Variants in FKTN observed in about 807,000 individuals in gnomAD.
FKTN encodes ribitol-5-phosphate transferase FKTN.
A neutral mutation model predicts 58.6 loss-of-function variants in FKTN; 47 were observed. The observed-to-expected ratio is 0.80, with a 90% confidence interval of 0.63 to 1.02. FKTN has a LOEUF of 1.02. FKTN is among the 50% of genes least tolerant of loss of function. The pLI is 0.00. For missense variants in FKTN, 516 were observed against 537.3 expected, an observed-to-expected ratio of 0.96 and a Z score of 0.39; for synonymous variants, 178 against 191.9, an observed-to-expected ratio of 0.93 and a Z score of 0.60.
At chr9:105,581,258 T>A (rs1037983063) in intron 3 of FKTN, among the ~76,000 whole-genome samples, 1 of 148,670 alleles carries the variant, frequency 6.7e-6, no homozygotes, top group Non-Finnish European at 1.5e-5. Flanking sequence ...TTTTAGAGTT[T>A]CCAGTTTTTC....
intron 3 of FKTN, among the ~76,000 whole-genome samples, chr9:105,594,519 A>G (rs1826389335): frequency 6.6e-6 from 1 of 152,228 alleles, no homozygotes; most frequent in Non-Finnish European, 1.5e-5. Flanking sequence ...GCACTTTGGG[A>G]GGCGGAAGCA....
intron 3 of FKTN, among the ~76,000 whole-genome samples, chr9:105,578,684 T>A (rs1268973018): frequency 6.6e-6 from 1 of 151,986 alleles, no homozygotes; most frequent in Non-Finnish European, 1.5e-5. Context: ...GCTGGCCTCA[T>A]AAAATGAGTT....
chr9:105,630,338 T>TA (rs749864634), intron 10 of FKTN, among the ~76,000 whole-genome samples: 5 of 152,196 alleles, frequency 3.3e-5, no homozygotes, highest in African/African-American at 1.2e-4. Context: ...GTGAAAATGA[T>TA]AAAATTTTCT....
At chr9:105,563,678 C>A (rs1046658347) in intron 1 of FKTN, among the ~76,000 whole-genome samples, 1 of 152,176 alleles carries the variant, frequency 6.6e-6, no homozygotes, top group African/African-American at 2.4e-5. Flanking sequence ...GTGGAGCCCA[C>A]CACAGCTCAA....
intron 10 of FKTN, among the ~76,000 whole-genome samples, chr9:105,632,419 T>TAAA (rs11399147): frequency 7.0e-6 from 1 of 142,882 alleles, no homozygotes; most frequent in Non-Finnish European, 1.5e-5. Context: ...AAAAGTATAA[T>TAAA]AAAAAAAAAT....
chr9:105,582,932 T>C (rs964814957), intron 3 of FKTN, among the ~76,000 whole-genome samples: 1 of 152,216 alleles, frequency 6.6e-6, no homozygotes, highest in Non-Finnish European at 1.5e-5. Flanking sequence ...TCCATATCTA[T>C]AAGTCTAGAG....
intron 4 of FKTN, 131 bp from the exon 5 acceptor site, chr9:105,601,014 G>A: frequency 3.2e-6 from 2 of 630,934 alleles, no homozygotes; most frequent in East Asian, 2.8e-5. Context: ...GTATTTTTTA[G>A]CACAATGATA....
intron 5 of FKTN, chr9:105,603,782 T>C (rs866343095): frequency 2.1e-5 from 5 of 239,704 alleles, no homozygotes; most frequent in Middle Eastern, 3.3e-3. Flanking sequence ...CAAGTGATCC[T>C]CCTGGCTCAG....
intron 7 of FKTN, among the ~76,000 whole-genome samples, chr9:105,613,103 T>G (rs1156369774): frequency 6.6e-6 from 1 of 152,218 alleles, no homozygotes; most frequent in Non-Finnish European, 1.5e-5. Context: ...CACAAATTTT[T>G]CATATTTGCT....
At chr9:105,621,380 C>T (rs192313924) in intron 10 of FKTN, among the ~76,000 whole-genome samples, 4 of 152,198 alleles carry the variant, frequency 2.6e-5, no homozygotes, top group Admixed American at 6.5e-5. Flanking sequence ...TTTAACACTA[C>T]TATTCCTTGG....
chr9:105,559,128 G>A (rs1027808455), intron 1 of FKTN, among the ~76,000 whole-genome samples: 5 of 152,046 alleles, frequency 3.3e-5, no homozygotes, highest in African/African-American at 1.2e-4. Flanking sequence ...AAGTGCTGTT[G>A]GCAAAAATGG....
Position 105,635,271 on chromosome 9 carries a change from A to G in FKTN, c.*7A>G, listed in dbSNP as rs1156239576. The G allele has an allele frequency of 3.1e-6, 5 of 1,613,662 alleles. No individual in the cohort carries two copies. The highest frequency in any genetic ancestry group is 4.2e-6 in the Non-Finnish European group (5 of 1,179,616). On this transcript the variant is annotated 3_prime_UTR_variant, in exon 11 of 11. Transcript: ENST00000357998. ...GGTTATCCAGTTATATTGAGATAGT[A>G]GGTTGAAATGGGAGAATTTCTCTTT... is the stretch of plus-strand genomic sequence containing the variant.
intron 7 of FKTN, among the ~76,000 whole-genome samples, chr9:105,612,781 A>C (rs1006496349): frequency 6.6e-6 from 1 of 152,146 alleles, no homozygotes; most frequent in Non-Finnish European, 1.5e-5. Context: ...CCTGGGCAAC[A>C]TGGCGAAACC....
intron 3 of FKTN, 102 bp from the exon 4 acceptor site, chr9:105,596,496 T>A: frequency 1.3e-6 from 1 of 757,420 alleles, no homozygotes; most frequent in Non-Finnish European, 2.4e-6. Context: ...TGCTTTTTAA[T>A]GATTATAAGC....
intron 1 of FKTN, among the ~76,000 whole-genome samples, chr9:105,569,610 C>G (rs1458439981): frequency 6.6e-6 from 1 of 152,196 alleles, no homozygotes; most frequent in East Asian, 1.9e-4. Flanking sequence ...GTAAGCAGAT[C>G]TGCCCATTTC....
rs1415364633 is a variant in FKTN at position 105,638,211 on chromosome 9, C to G, written c.*2947C>G. 1.0e-6 allele frequency: 1 copy of G among 985,290 alleles called. No individual in the cohort carries two copies. The highest frequency in any genetic ancestry group is 1.7e-5 in the African/African-American group (1 of 57,222). 61.0% of individuals were successfully genotyped at this position (985,290 alleles called of 1,614,324 possible). On this transcript the variant is annotated 3_prime_UTR_variant, in exon 11 of 11. Coordinates refer to ENST00000357998, the MANE Select transcript of FKTN (RefSeq NM_001079802.2). ...TCTGTTTCGCATCACAACACAGTAT[C>G]TTTAACAGTGCTTGAGATGCTTAAC...
chr9:105,578,334 A>G (rs1443353662), intron 3 of FKTN, among the ~76,000 whole-genome samples: 10 of 146,836 alleles, frequency 6.8e-5, no homozygotes, highest in African/African-American at 1.0e-4. Flanking sequence ...ATCATTTTGA[A>G]ATACGTCCCA....
At chr9:105,594,176 G>T (rs1287279472) in intron 3 of FKTN, among the ~76,000 whole-genome samples, 1 of 152,162 alleles carries the variant, frequency 6.6e-6, no homozygotes, top group Non-Finnish European at 1.5e-5. Context: ...CCTTAGATAG[G>T]AACATAGACA....
intron 10 of FKTN, 57 bp downstream of exon 10, chr9:105,620,118 T>TAATTAAGG: frequency 6.8e-7 from 1 of 1,474,046 alleles, no homozygotes; most frequent in Admixed American, 1.7e-5. Flanking sequence ...TTTCAGGAGG[T>TAATTAAGG]AGAAATAAAG....
Sources: allele counts gnomAD v4.1 joint callset (sites outside exome capture counted in the v4.1 genomes callset), GRCh38; gene constraint gnomAD v4.1.1; transcripts MANE v1.5; gene names NCBI Gene and HGNC (gene_info 2026-07-23, HGNC 2026-07-21).